CUX2: variants seen among roughly 807,000 people sequenced by gnomAD.
CUX2 encodes cut like homeobox 2, also known as homeobox protein cut-like 2.
A neutral mutation model predicts 144.8 loss-of-function variants in CUX2; 40 were observed. That is an observed-to-expected ratio of 0.28 (90% CI 0.21 to 0.36). CUX2 has a LOEUF of 0.36. CUX2 is among the 10% of genes least tolerant of loss of function. The pLI is 1.00. For missense variants in CUX2, 1,615 were observed against 1,994.0 expected, an observed-to-expected ratio of 0.81 and a Z score of 3.62; for synonymous variants, 827 against 875.6, an observed-to-expected ratio of 0.94 and a Z score of 0.98.
chr12:111,057,127 C>A lies in CUX2; in HGVS notation c.63+22887C>A, dbSNP rs1466729350. Among the ~76,000 whole-genome samples the A allele has an allele frequency of 1.3e-5, 2 of 150,780 alleles. No homozygotes were observed. Among genetic ancestry groups the A allele is most frequent in the East Asian group, 3.9e-4 (2 of 5,112 alleles). The stretch of plus-strand genomic sequence containing the variant: ...AGTGTGACAGAAAATGGCCAAGCTG[C>A]AATGGTTGTGACGGGAGGTTGTGTG... On this transcript the variant is annotated intron_variant, in intron 1 of 21. Coordinates refer to ENST00000261726, the MANE Select transcript of CUX2 (RefSeq NM_015267.4). The surrounding 1 kb of genome is among the most constrained non-coding windows in gnomAD (Gnocchi z 5.1).
chr12:111,127,852 C>T (rs1181754265), intron 1 of CUX2, among the ~76,000 whole-genome samples: 3 of 152,166 alleles, frequency 2.0e-5, no homozygotes, highest in Non-Finnish European at 4.4e-5. Flanking sequence ...CAGGAAAGAG[C>T]TTGTGCAGGG....
chr12:111,072,891 A>G (rs1871313826), intron 1 of CUX2, among the ~76,000 whole-genome samples: 1 of 152,226 alleles, frequency 6.6e-6, no homozygotes, highest in Non-Finnish European at 1.5e-5. Context: ...GAAGAAACAC[A>G]TTTGCTGTTA....
chr12:111,127,179 A>G (rs1592921009), intron 1 of CUX2, among the ~76,000 whole-genome samples: 1 of 152,260 alleles, frequency 6.6e-6, no homozygotes, highest in East Asian at 1.9e-4. Flanking sequence ...GTAACTGATC[A>G]TGTGGTCATA....
Position 111,035,876 on chromosome 12 carries a change from A to T in CUX2, c.63+1636A>T, listed in dbSNP as rs144362987. On this transcript the variant is annotated intron_variant, in intron 1 of 21. Transcript: ENST00000261726. This position sits in a 1 kb window ranked among gnomAD's most constrained non-coding sequence, Gnocchi z 6.0. ...GGCTACAGTTTGGTGGCCAACTGAG[A>T]CGGGCAGGGCTGCGAGCTGTGCCTG... Among the ~76,000 whole-genome samples, 2,429 of 152,196 alleles carry T rather than the reference A, an allele frequency of 0.016. 65 individuals carry two copies. The highest frequency in any genetic ancestry group is 0.055 in the African/African-American group (2,266 of 41,538).
Position 111,295,552 on chromosome 12 carries a change from T to TCCCAA in CUX2, c.637+143_637+144insCCCAA. 1 of 667,842 alleles carries TCCCAA rather than the reference T, an allele frequency of 1.5e-6. No individual in the cohort carries two copies. The highest frequency in any genetic ancestry group is 2.5e-6 in the Non-Finnish European group (1 of 403,546). The allele number at this position is 667,842 out of a possible 1,614,324, so 41.4% of individuals were successfully genotyped here. On this transcript the variant is annotated intron_variant, in intron 7 of 21. Coordinates refer to ENST00000261726, the MANE Select transcript of CUX2 (RefSeq NM_015267.4). This position sits in a 1 kb window ranked among gnomAD's most constrained non-coding sequence, Gnocchi z 5.0. ...AATGGGAGTTTGGGAAGAATAATCT[T>TCCCAA]ACCCAGTGGGGGGCTGAGCCTCTAT...
chr12:111,120,793 A>T (rs1025412973), intron 1 of CUX2, among the ~76,000 whole-genome samples: 5 of 152,082 alleles, frequency 3.3e-5, no homozygotes, highest in African/African-American at 1.2e-4. Context: ...GCAATTTGAG[A>T]TAAATGCGGG....
chr12:111,038,577 C>T (rs1309407564), intron 1 of CUX2, among the ~76,000 whole-genome samples: 1 of 152,234 alleles, frequency 6.6e-6, no homozygotes, highest in Non-Finnish European at 1.5e-5. Flanking sequence ...GAACCCACAC[C>T]CTGTGGCCCT....
intron 1 of CUX2, among the ~76,000 whole-genome samples, chr12:111,055,235 G>A (rs963122289): frequency 1.3e-5 from 2 of 152,226 alleles, no homozygotes; most frequent in African/African-American, 2.4e-5. Flanking sequence ...GGCAGGAGTC[G>A]GGGCCTGGGC....
At chr12:111,300,855 T>C (rs559314533) in intron 9 of CUX2, among the ~76,000 whole-genome samples, 12 of 151,968 alleles carry the variant, frequency 7.9e-5, no homozygotes, top group Admixed American at 3.3e-4. Context: ...CTGGGAAACA[T>C]AGGGAGACCT....
intron 19 of CUX2, among the ~76,000 whole-genome samples, chr12:111,335,312 G>A (rs1465365478): frequency 6.6e-6 from 1 of 152,088 alleles, no homozygotes; most frequent in African/African-American, 2.4e-5. Flanking sequence ...AGAATCGCTT[G>A]AACCTGGGAG....
intron 1 of CUX2, among the ~76,000 whole-genome samples, chr12:111,197,627 T>C (rs1006282736): frequency 6.6e-6 from 1 of 152,224 alleles, no homozygotes; most frequent in Non-Finnish European, 1.5e-5. Flanking sequence ...TCAATGCCAG[T>C]GGCGGCCTGT....
At chr12:111,243,457 G>A (rs1343451177) in intron 3 of CUX2, among the ~76,000 whole-genome samples, 1 of 147,944 alleles carries the variant, frequency 6.8e-6, no homozygotes, top group Non-Finnish European at 1.5e-5. Flanking sequence ...TTTATATCAG[G>A]ACTCAAATAG....
intron 1 of CUX2, among the ~76,000 whole-genome samples, chr12:111,168,745 G>A (rs1458198807): frequency 6.6e-6 from 1 of 152,180 alleles, no homozygotes; most frequent in Non-Finnish European, 1.5e-5. Context: ...CATTGTATTA[G>A]GGAAAACAAA....
intron 4 of CUX2, among the ~76,000 whole-genome samples, chr12:111,283,701 G>A (rs558138817): frequency 4.6e-5 from 7 of 152,204 alleles, no homozygotes; most frequent in East Asian, 3.9e-4. Context: ...TTCTCTAAGC[G>A]TGTCTTTGGG....
intron 1 of CUX2, among the ~76,000 whole-genome samples, chr12:111,040,044 T>A (rs1042711228): frequency 6.6e-6 from 1 of 152,148 alleles, no homozygotes; most frequent in Non-Finnish European, 1.5e-5. Flanking sequence ...CCCAGCACTT[T>A]GGCAGGCTGA....
In CUX2 at chr12:111,320,671, T is replaced by A. The variant is rs368608329; in HGVS notation, c.2662T>A (p.Tyr888Asn). 6.3e-7 allele frequency: 1 copy of A among 1,596,992 alleles called. No homozygotes were observed. The highest frequency in any genetic ancestry group is 8.5e-7 in the Non-Finnish European group (1 of 1,179,250). Residue 888 changes from tyrosine (Y) to asparagine (N), a missense_variant, in exon 17 of 22, where the codon TAC (tyrosine) becomes AAC (asparagine). Around this residue, in one of 12 missense-constraint regions of CUX2, gnomAD observed 390 missense variants for 387.1 expected, o/e 1.01. Coordinates refer to ENST00000261726, the MANE Select transcript of CUX2 (RefSeq NM_015267.4). This position sits in a 1 kb window ranked among gnomAD's most constrained non-coding sequence, Gnocchi z 8.1. ...PTVPPLTPEQ[Y>N]ELYMYREVDT... ...CGTGCCGCCGCTGACCCCCGAGCAG[T>A]ACGAGCTGTACATGTACCGTGAGGT...
chr12:111,279,061 CAAG>C (rs1885006649), intron 4 of CUX2, among the ~76,000 whole-genome samples: 1 of 152,168 alleles, frequency 6.6e-6, no homozygotes, highest in Non-Finnish European at 1.5e-5. Flanking sequence ...GGGGAGGAAA[CAAG>C]GAGTGGAAAA....
At chr12:111,209,804 C>T (rs975981466) in intron 1 of CUX2, among the ~76,000 whole-genome samples, 5 of 152,204 alleles carry the variant, frequency 3.3e-5, no homozygotes, top group Admixed American at 6.5e-5. Context: ...AGCTCAGCCC[C>T]GGCCTCCTTT....
intron 18 of CUX2, among the ~76,000 whole-genome samples, chr12:111,325,388 C>T (rs1258902676): frequency 1.3e-5 from 2 of 152,082 alleles, no homozygotes; most frequent in Admixed American, 6.6e-5. Context: ...GTCCTGTAAT[C>T]TTCATGTCAG....
Sources: allele counts gnomAD v4.1 joint callset (sites outside exome capture counted in the v4.1 genomes callset), GRCh38; gene constraint gnomAD v4.1.1; regional missense constraint gnomAD v4.1.1; non-coding constraint Gnocchi (gnomAD v3.1); transcripts MANE v1.5; gene names NCBI Gene and HGNC (gene_info 2026-07-23, HGNC 2026-07-21).